FN1: variants seen among roughly 807,000 people sequenced by gnomAD.
FN1 encodes the protein fibronectin 1, also known as fibronectin.
In FN1, 106 loss-of-function variants were observed where a neutral mutation model predicts 297.3. The ratio of observed to expected loss-of-function variants is 0.36; its 90% CI spans 0.30 to 0.42. The LOEUF is 0.42. Ranked by LOEUF, FN1 falls within the 10% of genes least tolerant of loss-of-function variation. The pLI, the probability that FN1 is intolerant of heterozygous loss-of-function variation, is 1.00. For missense variants in FN1, 2,690 were observed against 3,124.9 expected (o/e 0.86, Z 3.32); for synonymous variants, 1,149 against 1,152.6 (o/e 1.00, Z 0.06).
chr2:215,407,498 C>A (rs563168022), intron 17 of FN1, among the ~76,000 whole-genome samples, 177 bp from the exon 18 acceptor site: 2 of 152,034 alleles, frequency 1.3e-5, no homozygotes, highest in Non-Finnish European at 2.9e-5. Flanking sequence ...CTATTCAGCA[C>A]GAAGATAAAA....
At chr2:215,375,510 G>T in intron 37 of FN1, 117 bp from the exon 38 acceptor site, 1 of 1,271,150 alleles carries the variant, frequency 7.9e-7, no homozygotes, top group South Asian at 1.3e-5. Flanking sequence ...ACTGTAAACC[G>T]GAAACAAGAT....
At chr2:215,383,200 G>C in intron 31 of FN1, 128 bp downstream of exon 31, 1 of 921,462 alleles carries the variant, frequency 1.1e-6, no homozygotes, top group Non-Finnish European at 1.8e-6. Flanking sequence ...TACAGACGGG[G>C]TTTCGCCATA....
chr2:215,384,988 A>C lies in FN1; in HGVS notation c.4613-12T>G, dbSNP rs1404177296. The C allele has an allele frequency of 3.2e-6, 5 of 1,574,446 alleles. No individual in the cohort carries two copies. The Admixed American group carries it at 6.7e-5, about 21-fold the overall frequency. ...CGGAACATCAGAAACTAGAAAAAAAAGGGAAACTTTTCACATCCGTAATTT... is the reference window on the plus strand; with the variant it reads ...CGGAACATCAGAAACTAGAAAAAAACGGGAAACTTTTCACATCCGTAATTT... On this transcript the variant is annotated splice_polypyrimidine_tract_variant and intron_variant, in intron 28 of 45. Transcript: ENST00000354785.
chr2:215,430,995 C>G (rs2066416799), intron 4 of FN1, 143 bp from the exon 5 acceptor site: 1 of 819,174 alleles, frequency 1.2e-6, no homozygotes, highest in Non-Finnish European at 2.0e-6. Context: ...AATGACACAC[C>G]CAGCATCTAA....
intron 32 of FN1, 96 bp downstream of exon 32, chr2:215,382,116 T>C (rs1421968339): frequency 1.3e-6 from 1 of 763,144 alleles, no homozygotes; most frequent in African/African-American, 1.7e-5. Flanking sequence ...AAGTTCACTT[T>C]CCCTATGTGT....
intron 34 of FN1, 87 bp downstream of exon 34, chr2:215,379,039 GATTT>G: frequency 9.0e-7 from 1 of 1,111,396 alleles, no homozygotes; most frequent in Non-Finnish European, 1.4e-6. Context: ...AGAACAGTTA[GATTT>G]ATTATGATAT....
intron 6 of FN1, among the ~76,000 whole-genome samples, chr2:215,427,401 T>C (rs1055955212): frequency 1.3e-5 from 2 of 152,204 alleles, no homozygotes; most frequent in African/African-American, 4.8e-5. Flanking sequence ...TCAAAACATA[T>C]TAAAAATAAT....
intron 10 of FN1, 129 bp downstream of exon 10, chr2:215,421,962 G>C: frequency 1.1e-6 from 1 of 887,474 alleles, no homozygotes; most frequent in Admixed American, 1.9e-5. Context: ...ATGCACAGTA[G>C]ACTAATGAAT....
rs1028195625 is a variant in FN1, at chr2:215,406,326, C to G, written c.2898G>C (p.Gly966=). 1 of 1,614,072 alleles carries G rather than the reference C, an allele frequency of 6.2e-7. No homozygotes were observed. The highest frequency in any genetic ancestry group is 1.3e-5 in the African/African-American group (1 of 74,914). ...AGTAATAGGTGACCCCAGGGGACAG[C>G]CCGGTGACTTCTGCAAAGGTGTTCC... is the stretch of plus-strand genomic sequence containing the variant. ...ISRNTFAEVT[G]LSPGVTYYFK... The change falls in exon 19 of 46, where the codon GGG becomes GGC. Residue 966 remains glycine (G), a synonymous_variant. Transcript: ENST00000354785.
At chr2:215,404,338 G>T in intron 20 of FN1, 51 bp downstream of exon 20, 30 of 1,489,574 alleles carry the variant, frequency 2.0e-5, no homozygotes, top group Non-Finnish European at 2.6e-5. Context: ...AAAGCATGAA[G>T]AATAGAGAAT....
rs761063219 is a variant in FN1, at chr2:215,372,063, T to C, written c.6560A>G (p.Tyr2187Cys). ...IGHIPREDVD[Y>C]HLYPHGPGLN... ...TCCCGGACCGTGTGGGTACAGGTGATAGTCTACATCTTCCCTGGGGATGTG... is the reference window on the plus strand; with the variant it reads ...TCCCGGACCGTGTGGGTACAGGTGACAGTCTACATCTTCCCTGGGGATGTG... The change falls in exon 40 of 46, where the codon TAT becomes TGT. Residue 2187 changes from tyrosine to cysteine, a missense_variant. Physicochemically the swap from Tyr to Cys is radical, Grantham distance 194. Coordinates refer to ENST00000354785, the MANE Select transcript of FN1 (RefSeq NM_212482.4). 5.0e-6 allele frequency: 8 copies of C among 1,614,104 alleles called. No individual in the cohort carries two copies. Among genetic ancestry groups the C allele is most frequent in the South Asian group, 4.4e-5 (4 of 91,082 alleles).
chr2:215,423,227 G>C lies in FN1; in HGVS notation c.1393+123C>G, dbSNP rs2064755804. 19 of 889,178 alleles carry C rather than the reference G, an allele frequency of 2.1e-5. No individual in the cohort carries two copies. In the South Asian group the frequency reaches 2.8e-4, roughly 13 times the overall value. The allele number at this position is 889,178 out of a possible 1,614,324, so 55.1% of individuals were successfully genotyped here. A position where few individuals can be genotyped will look rare whatever the true frequency, so the allele number is the denominator to read the frequency against. ...ACACACACACAAACACACTTCACAT[G>C]AAGTTTTCTGTTGTCTCAAAATTGT... On this transcript the variant is annotated intron_variant, in intron 9 of 45. Transcript: ENST00000354785.
chr2:215,424,466 T>C (rs1028126319), intron 7 of FN1, 141 bp from the exon 8 acceptor site: 2 of 692,834 alleles, frequency 2.9e-6, no homozygotes, highest in Admixed American at 5.3e-5. Context: ...ATCTCGTTAA[T>C]TTCAGTCAAA....
chr2:215,408,950 T>C (rs2106290925), intron 15 of FN1, among the ~76,000 whole-genome samples: 1 of 152,290 alleles, frequency 6.6e-6, no homozygotes, highest in East Asian at 1.9e-4. Flanking sequence ...CTTCCTTTCA[T>C]TTTTCCAACT....
Position 215,416,071 on chromosome 2 carries a change from A to C in FN1, c.1820-1113T>G, listed in dbSNP as rs566867050. Among the ~76,000 whole-genome samples, 5 of 152,260 alleles carry C rather than the reference A, an allele frequency of 3.3e-5. No individual in the cohort carries two copies. The South Asian group carries it at 1.0e-3, about 32-fold the overall frequency. On this transcript the variant is annotated intron_variant, in intron 12 of 45. Transcript: ENST00000354785. ...TGAAAGCTTCTAGGAAAAAAAATACATTGATTTTCAAACTTTATTATCTAA... is the reference window on the plus strand; with the variant it reads ...TGAAAGCTTCTAGGAAAAAAAATACCTTGATTTTCAAACTTTATTATCTAA...
At chr2:215,374,057 C>T (rs1401679525) in intron 38 of FN1, among the ~76,000 whole-genome samples, 1 of 152,058 alleles carries the variant, frequency 6.6e-6, no homozygotes, top group Non-Finnish European at 1.5e-5. Context: ...CATATACCAC[C>T]ACTGGAATAT....
rs1420420840 is a variant in FN1 at position 215,435,656 on chromosome 2, C to A, written c.147G>T (p.Lys49Asn). ...PQSPVAVSQS[K>N]PGCYDNGKHY... ...TTTCAGCCCGCGGTCAGTACTCACG[C>A]TTGCTTTGACTGACAGCCACCGGGG... The change falls in exon 1 of 46, where the codon AAG (lysine) becomes AAT (asparagine). Residue 49 changes from lysine to asparagine, a missense_variant and splice_region_variant. Physicochemically the swap from Lys to Asn is moderately conservative, Grantham distance 94. Transcript: ENST00000354785. The A allele has an allele frequency of 5.6e-6, 9 of 1,613,630 alleles. No homozygotes were observed. Among genetic ancestry groups the A allele is most frequent in the Non-Finnish European group, 7.6e-6 (9 of 1,179,972 alleles).
Position 215,380,619 on chromosome 2 carries a change from T to A in FN1, c.5434+192A>T, listed in dbSNP as rs573797917. 3.2e-5 allele frequency: 24 copies of A among 757,630 alleles called. No homozygotes were observed. The Admixed American group carries it at 4.8e-4, about 15-fold the overall frequency. 46.9% of individuals were successfully genotyped at this position (757,630 alleles called of 1,614,324 possible). A position where few individuals can be genotyped will look rare whatever the true frequency, so the allele number is the denominator to read the frequency against. ...AAGCCAGGATACTCCAAAATTTCTT[T>A]TAATCAGACTTGTTTCCTTAAATAT... On this transcript the variant is annotated intron_variant, in intron 33 of 45. Transcript: ENST00000354785.
chr2:215,379,455 G>T, intron 33 of FN1, 138 bp from the exon 34 acceptor site: 1 of 597,664 alleles, frequency 1.7e-6, no homozygotes. Flanking sequence ...TTCAGTACAA[G>T]AAAGTACGTA....
Sources: allele counts gnomAD v4.1 joint callset (sites outside exome capture counted in the v4.1 genomes callset), GRCh38; gene constraint gnomAD v4.1.1; transcripts MANE v1.5; gene names NCBI Gene and HGNC (gene_info 2026-07-23, HGNC 2026-07-21).